PCSK6: variants seen among roughly 807,000 people sequenced by gnomAD.
The protein encoded by PCSK6 is proprotein convertase subtilisin/kexin type 6, also known as paired basic amino acid cleaving enzyme 4.
In PCSK6, 85 loss-of-function variants were observed where a neutral mutation model predicts 123.3. The ratio of observed to expected loss-of-function variants is 0.69; its 90% CI spans 0.58 to 0.83. The LOEUF is 0.83. Ranked by LOEUF, PCSK6 falls within the 40% of genes least tolerant of loss-of-function variation. The probability of loss-of-function intolerance (pLI) is 0.00; values close to 1 mark genes in which losing one functional copy is unlikely to be tolerated. For synonymous variants in PCSK6, 508 were observed against 516.0 expected (o/e 0.98, Z 0.21); for missense variants, 1,191 against 1,282.3 (o/e 0.93, Z 1.09).
chr15:101,455,854 T>C (rs1236597366), intron 1 of PCSK6, among the ~76,000 whole-genome samples: 1 of 152,242 alleles, frequency 6.6e-6, no homozygotes, highest in African/African-American at 2.4e-5. Context: ...CCTTTCCCGG[T>C]TGCAAAGCAT....
At chr15:101,455,071 G>A (rs1027443502) in intron 1 of PCSK6, among the ~76,000 whole-genome samples, 6 of 152,180 alleles carry the variant, frequency 3.9e-5, no homozygotes, top group Admixed American at 2.6e-4. Flanking sequence ...GCATAACAAC[G>A]TGAAAATACT....
At chr15:101,403,475 A>G (rs2042671114) in intron 6 of PCSK6, among the ~76,000 whole-genome samples, 1 of 152,076 alleles carries the variant, frequency 6.6e-6, no homozygotes, top group Non-Finnish European at 1.5e-5. Context: ...ACAATAACTG[A>G]TTGGTTTTTC....
At chr15:101,407,719 CCT>C (rs1035571091) in intron 6 of PCSK6, among the ~76,000 whole-genome samples, 1 of 152,206 alleles carries the variant, frequency 6.6e-6, no homozygotes, top group African/African-American at 2.4e-5. Context: ...CGTGTCTTCC[CCT>C]CTCTCCTGCC....
chr15:101,350,850 C>T (rs538995035), intron 13 of PCSK6, among the ~76,000 whole-genome samples: 8 of 152,338 alleles, frequency 5.3e-5, no homozygotes, highest in Admixed American at 2.0e-4. Flanking sequence ...TGCAGTGGTG[C>T]GCTGCAGCCG....
intron 13 of PCSK6, among the ~76,000 whole-genome samples, chr15:101,345,733 T>C (rs2040714303): frequency 1.3e-5 from 2 of 152,230 alleles, no homozygotes; most frequent in Admixed American, 6.5e-5. Context: ...GGTGGCAAAA[T>C]CTCGGCTCAC....
rs1345603615 is a variant in PCSK6 at position 101,370,474 on chromosome 15, A to C, written c.1582T>G (p.Cys528Gly). 2 of 1,547,666 alleles carry C rather than the reference A, an allele frequency of 1.3e-6. No homozygotes were observed. The highest frequency in any genetic ancestry group is 8.7e-7 in the Non-Finnish European group (1 of 1,144,692). ...ACCCGCTGGTCCGAGTGCTCCGCGC[A>C]GGCGCTGGTCAGGGCCGTAGTCCGC... The part of the protein sequence containing the change: ...VLRTTALTSA[C>G]AEHSDQRVVY... The change falls in exon 12 of 22, where the codon TGC (cysteine) becomes GGC (glycine). Residue 528 changes from cysteine to glycine, a missense_variant. Cys to Gly is a radical substitution (Grantham distance 159, BLOSUM62 -3). This residue lies in a region of PCSK6 where 630 missense variants were observed against 631.4 expected (regional missense o/e 1.00). Coordinates refer to ENST00000611716, the MANE Select transcript of PCSK6 (RefSeq NM_002570.5).
intron 9 of PCSK6, among the ~76,000 whole-genome samples, chr15:101,385,398 A>G (rs1461137889): frequency 6.6e-6 from 1 of 152,166 alleles, no homozygotes; most frequent in African/African-American, 2.4e-5. Context: ...CTCTGCCCAC[A>G]GCAACCAGGA....
intron 1 of PCSK6, among the ~76,000 whole-genome samples, chr15:101,462,882 A>G (rs1249765999): frequency 6.6e-6 from 1 of 152,032 alleles, no homozygotes; most frequent in East Asian, 1.9e-4. Context: ...CCGTGCTTTC[A>G]GCCCCAGGCA....
intron 8 of PCSK6, among the ~76,000 whole-genome samples, chr15:101,392,593 C>CTTTT (rs10525638): frequency 0.079 from 9,600 of 122,232 alleles, 603 homozygotes; most frequent in South Asian, 0.18. Context: ...CTCCCTTCCT[C>CTTTT]TTTTTTTTTT....
chr15:101,481,972 A>C (rs189469583), intron 1 of PCSK6, among the ~76,000 whole-genome samples: 15 of 152,306 alleles, frequency 9.8e-5, no homozygotes, highest in Admixed American at 2.6e-4. Flanking sequence ...GCTGGTGTGC[A>C]GCCCTTTGAG....
intron 7 of PCSK6, among the ~76,000 whole-genome samples, chr15:101,394,632 G>C (rs1191034222): frequency 6.6e-6 from 1 of 152,158 alleles, no homozygotes; most frequent in Admixed American, 6.5e-5. Flanking sequence ...TCAACAATCG[G>C]CCAATTTAAA....
chr15:101,344,530 G>T (rs1273493396), intron 13 of PCSK6, among the ~76,000 whole-genome samples: 1 of 152,184 alleles, frequency 6.6e-6, no homozygotes, highest in Admixed American at 6.5e-5. Context: ...CTCCTCTCCT[G>T]CTGGAGTTTC....
At chr15:101,331,009 G>A (rs578127511) in intron 15 of PCSK6, among the ~76,000 whole-genome samples, 23 of 152,290 alleles carry the variant, frequency 1.5e-4, no homozygotes, top group African/African-American at 5.3e-4. Context: ...TCATTTAGCC[G>A]TAGTATTTAG....
chr15:101,336,637 A>G (rs1485086027), intron 13 of PCSK6: 1 of 152,258 alleles, frequency 6.6e-6, no homozygotes, highest in Admixed American at 6.5e-5. Context: ...TTTACCAAAG[A>G]TATTTGCTAG....
At chr15:101,311,173 C>T (rs1033211108) in intron 20 of PCSK6, among the ~76,000 whole-genome samples, 4 of 151,724 alleles carry the variant, frequency 2.6e-5, no homozygotes, top group South Asian at 2.1e-4. Context: ...GTGCATGGTG[C>T]GATCATAGCT....
chr15:101,399,479 G>A (rs1335788678), intron 6 of PCSK6, among the ~76,000 whole-genome samples: 1 of 152,110 alleles, frequency 6.6e-6, no homozygotes, highest in African/African-American at 2.4e-5. Flanking sequence ...GCTTCCTCGA[G>A]AGCACCCCAA....
In PCSK6 at chr15:101,377,363, C is replaced by T. The variant is rs149907651; in HGVS notation, c.1532+4729G>A. Among the ~76,000 whole-genome samples, 70 of 152,274 alleles carry T rather than the reference C, an allele frequency of 4.6e-4. No individual in the cohort carries two copies. The East Asian group carries it at 0.011, about 24-fold the overall frequency. On this transcript the variant is annotated intron_variant, in intron 11 of 21. Coordinates refer to ENST00000611716, the MANE Select transcript of PCSK6 (RefSeq NM_002570.5). The stretch of plus-strand genomic sequence containing the variant: ...CAGGTCGCTCTCATTGGCTCAGTAC[C>T]GCCTGAGCTCCTACCTAGGGGGGCA...
chr15:101,347,757 AC>A (rs2040774183), intron 13 of PCSK6: 1 of 1,613,774 alleles, frequency 6.2e-7, no homozygotes, highest in African/African-American at 1.3e-5. Context: ...CCACCGGAAC[AC>A]GTGTTTTAGT....
rs776060777 is a variant in PCSK6 at position 101,431,993 on chromosome 15, G to A, written c.510C>T (p.Tyr170=). ...ACAGAGGTCCTGTCCTACTCACCAG[G>A]TACCACATGTTGGACCAAATGGGGT... ...FNDPIWSNMW[Y]LHCGDKNSRC... is the part of the protein sequence containing the mutation. The change falls in exon 3 of 22, where the codon TAC becomes TAT. Residue 170 remains tyrosine, a synonymous_variant. Transcript: ENST00000611716. 5 of 1,608,016 alleles carry A rather than the reference G, an allele frequency of 3.1e-6. No individual in the cohort carries two copies. Among genetic ancestry groups the A allele is most frequent in the East Asian group, 2.2e-5 (1 of 44,850 alleles).
Sources: gnomAD v4.1 joint callset for allele counts (sites outside exome capture counted in the v4.1 genomes callset) on GRCh38, gnomAD v4.1.1 for gene constraint, gnomAD v4.1.1 regional missense constraint, MANE v1.5 for transcripts, NCBI Gene and HGNC (gene_info 2026-07-23, HGNC 2026-07-21) for gene names.